LINGO2: variants seen among roughly 807,000 people sequenced by gnomAD.
LINGO2 encodes the protein leucine-rich repeat and immunoglobulin-like domain-containing nogo receptor-interacting protein 2.
Under a neutral mutation model 30.6 loss-of-function variants are expected in LINGO2, and 14 were observed. The observed-to-expected ratio is 0.46, with a 90% CI of 0.30 to 0.72. The LOEUF is 0.72. Ranked by LOEUF, LINGO2 falls within the 30% of genes least tolerant of loss-of-function variation. The pLI is 0.07. For missense variants in LINGO2, 729 were observed against 751.7 expected (o/e 0.97, Z 0.35); for synonymous variants, 317 against 288.5 (o/e 1.10, Z -1.00).
chr9:28,050,926 AAC>A (rs1452012595), intron 4 of LINGO2, among the ~76,000 whole-genome samples: 6 of 151,034 alleles, frequency 4.0e-5, no homozygotes, highest in African/African-American at 1.2e-4. Flanking sequence ...AAATATTGAA[AAC>A]ACACTGTAGT....
At chr9:28,733,204 G>C in the LINGO2 span, among the ~76,000 whole-genome samples, 4 of 151,970 alleles carry the variant, frequency 2.6e-5, no homozygotes, top group Admixed American at 6.6e-5. Context: ...GCAAAACTTG[G>C]TGTCTGGAGG....
intron 1 of LINGO2, among the ~76,000 whole-genome samples, chr9:28,633,318 G>T (rs928760565): frequency 1.3e-5 from 2 of 152,118 alleles, no homozygotes; most frequent in African/African-American, 2.4e-5. Flanking sequence ...AGGGGAAAGA[G>T]AAGCTGCCTT....
the LINGO2 span, among the ~76,000 whole-genome samples, chr9:29,210,552 A>G: frequency 1.3e-5 from 2 of 152,190 alleles, no homozygotes; most frequent in African/African-American, 4.8e-5. Context: ...ATCAAGATAT[A>G]TATTCTTGCC....
the LINGO2 span, among the ~76,000 whole-genome samples, chr9:28,953,476 T>C: frequency 6.6e-6 from 1 of 151,966 alleles, no homozygotes; most frequent in Admixed American, 6.6e-5. Context: ...AAAATAAAAA[T>C]AAACCCATAA....
At chr9:28,596,462 C>G (rs1364918798) in intron 1 of LINGO2, among the ~76,000 whole-genome samples, 1 of 152,002 alleles carries the variant, frequency 6.6e-6, no homozygotes, top group East Asian at 1.9e-4. Flanking sequence ...TGACTTTTTT[C>G]TCTAGTGATA....
the LINGO2 span, among the ~76,000 whole-genome samples, chr9:28,709,643 A>G: frequency 6.6e-6 from 1 of 152,070 alleles, no homozygotes; most frequent in Non-Finnish European, 1.5e-5. Context: ...AAATGCTTGC[A>G]CAAAGAATAA....
At chr9:28,640,126 T>C (rs1170805051) in intron 1 of LINGO2, among the ~76,000 whole-genome samples, 1 of 152,160 alleles carries the variant, frequency 6.6e-6, no homozygotes, top group Admixed American at 6.5e-5. Context: ...AATTCTTTTC[T>C]TTAAGAATGT....
intron 5 of LINGO2, among the ~76,000 whole-genome samples, chr9:27,987,611 C>T (rs1423434995): frequency 6.6e-6 from 1 of 151,844 alleles, no homozygotes; most frequent in Admixed American, 6.6e-5. Context: ...GCATTCACTC[C>T]ATCTCACTAT....
chr9:28,264,649 G>C (rs528006230), intron 4 of LINGO2, among the ~76,000 whole-genome samples: 1 of 151,802 alleles, frequency 6.6e-6, no homozygotes, highest in Non-Finnish European at 1.5e-5. Context: ...TTTGGGAATG[G>C]GACACACTGG....
chr9:28,545,757 T>A (rs1021728037), intron 1 of LINGO2, among the ~76,000 whole-genome samples: 1 of 152,050 alleles, frequency 6.6e-6, no homozygotes, highest in Non-Finnish European at 1.5e-5. Context: ...AATACTTCCC[T>A]ATTGTATTCT....
At chr9:29,193,915 T>C in the LINGO2 span, among the ~76,000 whole-genome samples, 1 of 152,192 alleles carries the variant, frequency 6.6e-6, no homozygotes, top group African/African-American at 2.4e-5. Flanking sequence ...TGCAGGCTTG[T>C]GGGGACCATC....
chr9:28,278,676 G>C (rs913193311), intron 4 of LINGO2, among the ~76,000 whole-genome samples: 5 of 152,148 alleles, frequency 3.3e-5, no homozygotes. Flanking sequence ...AAATATTACT[G>C]TTCAGTGGCA....
At chr9:28,456,088 G>A (rs1824835364) in intron 2 of LINGO2, among the ~76,000 whole-genome samples, 1 of 152,046 alleles carries the variant, frequency 6.6e-6, no homozygotes, top group African/African-American at 2.4e-5. Flanking sequence ...AACCTGTTAT[G>A]GTTAGTAATT....
At chr9:28,725,570 G>GAAAAAAAAAAAAA in the LINGO2 span, among the ~76,000 whole-genome samples, 1 of 85,722 alleles carries the variant, frequency 1.2e-5, no homozygotes, top group Admixed American at 1.1e-4. Context: ...GGAATAAAAA[G>GAAAAAAAAAAAAA]AAAAAAAAAA....
chr9:28,987,419 T>C, the LINGO2 span, among the ~76,000 whole-genome samples: 1 of 152,058 alleles, frequency 6.6e-6, no homozygotes, highest in Non-Finnish European at 1.5e-5. Context: ...ATTTTATTTA[T>C]TTGAATCTTC....
At chr9:28,899,283 G>T in the LINGO2 span, among the ~76,000 whole-genome samples, 1 of 152,194 alleles carries the variant, frequency 6.6e-6, no homozygotes, top group Non-Finnish European at 1.5e-5. Context: ...TGAGCCTTGA[G>T]ACCAACATCA....
At chr9:28,239,714 G>C (rs937264779) in intron 4 of LINGO2, among the ~76,000 whole-genome samples, 1 of 152,084 alleles carries the variant, frequency 6.6e-6, no homozygotes, top group African/African-American at 2.4e-5. Context: ...TTTCCTCATA[G>C]ATCTGAAATA....
rs189215089 is a variant in LINGO2, at chr9:28,228,900, C to T, written c.-87+66308G>A. On this transcript the variant is annotated intron_variant, in intron 4 of 5. Transcript: ENST00000379992. ...TGAGATGTGTCTCCTTAAAACATTT[C>T]CAAATCAAACTTGATTAGCATAGAA... 3.9e-3 allele frequency among the ~76,000 whole-genome samples: 586 copies of T among 151,792 alleles called. 5 individuals carry two copies. The highest frequency in any genetic ancestry group is 8.1e-3 in the Admixed American group (124 of 15,250).
exon 6 of LINGO2, chr9:27,948,668 C>A (rs1823464316): frequency 1.4e-6 from 1 of 696,702 alleles, no homozygotes; most frequent in South Asian, 1.8e-5. Flanking sequence ...GGCTCTGACA[C>A]ATGCCTGCCT....
Sources: allele counts gnomAD v4.1 joint callset (sites outside exome capture counted in the v4.1 genomes callset), GRCh38; gene constraint gnomAD v4.1.1; transcripts MANE v1.5; gene names NCBI Gene and HGNC (gene_info 2026-07-23, HGNC 2026-07-21).